EYA4: variants seen among roughly 807,000 people sequenced by gnomAD.
EYA4 encodes EYA transcriptional coactivator and phosphatase 4, also known as protein phosphatase EYA4.
Under a neutral mutation model 87.9 loss-of-function variants are expected in EYA4, and 31 were observed. The observed-to-expected ratio is 0.35, with a 90% CI of 0.27 to 0.48. The LOEUF (loss-of-function observed/expected upper bound fraction) is 0.48. Among genes scored for constraint, EYA4 ranks in the 20% least tolerant of loss-of-function variants. The pLI is 0.99. For synonymous variants in EYA4, 263 were observed against 270.6 expected (o/e 0.97, Z 0.28); for missense variants, 678 against 761.4 (o/e 0.89, Z 1.29).
chr6:133,408,573 A>G (rs926977845), intron 3 of EYA4, among the ~76,000 whole-genome samples: 1 of 152,152 alleles, frequency 6.6e-6, no homozygotes, highest in African/African-American at 2.4e-5. Context: ...TGAAACATGG[A>G]TTTGCCACTT....
intron 13 of EYA4, among the ~76,000 whole-genome samples, chr6:133,491,344 T>TA (rs1797134268): frequency 6.6e-6 from 1 of 151,440 alleles, no homozygotes. Flanking sequence ...ATGAAAAAAA[T>TA]ACAAAAGATC....
intron 6 of EYA4, 104 bp from the exon 7 acceptor site, chr6:133,461,010 A>G: frequency 1.2e-6 from 1 of 814,342 alleles, no homozygotes; most frequent in Admixed American, 1.7e-5. Context: ...AATTTCTGGA[A>G]ACATGTATTT....
At chr6:133,242,613 T>C (rs975916614) in intron 1 of EYA4, among the ~76,000 whole-genome samples, 15 of 152,124 alleles carry the variant, frequency 9.9e-5, no homozygotes, top group African/African-American at 3.6e-4. Context: ...GTGTGTGTGC[T>C]TGTTTTATTC....
chr6:133,506,109 C>A lies in EYA4; in HGVS notation c.1195C>A (p.Pro399Thr). The change falls in exon 14 of 20, where the codon CCC becomes ACC. Residue 399 changes from proline to threonine, a missense_variant. Physicochemically the swap from Pro to Thr is conservative, Grantham distance 38. Transcript: ENST00000355286. Reference protein sequence around the residue: ...GSYAQKYGKDPPMAVTLGLRM... With the variant: ...GSYAQKYGKDTPMAVTLGLRM... ...TATGTGTACATTTTCTTTACAGGATCCCCCCATGGCTGTAACCCTTGGACT... is the reference window on the plus strand; with the variant it reads ...TATGTGTACATTTTCTTTACAGGATACCCCCATGGCTGTAACCCTTGGACT... The A allele has an allele frequency of 1.3e-6, 2 of 1,589,360 alleles. No individual in the cohort carries two copies. The highest frequency in any genetic ancestry group is 1.7e-6 in the Non-Finnish European group (2 of 1,157,582).
At chr6:133,405,678 A>G (rs1228897659) in intron 3 of EYA4, among the ~76,000 whole-genome samples, 1 of 152,208 alleles carries the variant, frequency 6.6e-6, no homozygotes, top group African/African-American at 2.4e-5. Flanking sequence ...TGGGGTTTAC[A>G]TTCCAGTGGA....
At chr6:133,294,342 TG>T (rs146366471) in intron 2 of EYA4, among the ~76,000 whole-genome samples, 27 of 147,164 alleles carry the variant, frequency 1.8e-4, no homozygotes, top group South Asian at 4.3e-4. Context: ...TTGCTCTTTC[TG>T]TTTTTTTTTT....
At chr6:133,265,290 AC>A (rs1448064028) in intron 1 of EYA4, among the ~76,000 whole-genome samples, 6 of 151,652 alleles carry the variant, frequency 4.0e-5, no homozygotes, top group African/African-American at 1.5e-4. Context: ...TTTTGCTGTT[AC>A]TTTCAGTGGC....
chr6:133,317,128 T>C, intron 2 of EYA4, among the ~76,000 whole-genome samples: 1 of 152,202 alleles, frequency 6.6e-6, no homozygotes, highest in East Asian at 1.9e-4. Context: ...CTCAAAACTG[T>C]ACAGCTCCAT....
intron 2 of EYA4, among the ~76,000 whole-genome samples, chr6:133,308,445 A>G (rs1779972697): frequency 6.6e-6 from 1 of 152,166 alleles, no homozygotes; most frequent in South Asian, 2.1e-4. Context: ...TGACATGGGT[A>G]TATTGTTTGA....
intron 11 of EYA4, among the ~76,000 whole-genome samples, chr6:133,478,256 A>T (rs1015084003): frequency 3.3e-5 from 5 of 152,232 alleles, no homozygotes; most frequent in Middle Eastern, 3.4e-3. Context: ...GTGTCTGTTA[A>T]AGATGAACAT....
intron 2 of EYA4, among the ~76,000 whole-genome samples, chr6:133,339,222 G>A (rs985242695): frequency 2.6e-5 from 4 of 152,188 alleles, no homozygotes; most frequent in South Asian, 2.1e-4. Context: ...GTAATAAAGT[G>A]CATCAAGATA....
At chr6:133,241,883 G>T (rs1225665598) in intron 1 of EYA4, 134 bp downstream of exon 1, 1 of 152,262 alleles carries the variant, frequency 6.6e-6, no homozygotes, top group Non-Finnish European at 1.5e-5. Flanking sequence ...AGGACGCGCA[G>T]CTGGACGGTG....
intron 3 of EYA4, among the ~76,000 whole-genome samples, chr6:133,397,650 C>T (rs1241799152): frequency 1.3e-5 from 2 of 152,004 alleles, no homozygotes; most frequent in Non-Finnish European, 2.9e-5. Context: ...ATGATATATC[C>T]CCATGTGTAT....
In EYA4 at chr6:133,490,085, A is replaced by G. The variant is rs117872593; in HGVS notation, c.1191+6970A>G. On this transcript the variant is annotated intron_variant, in intron 13 of 19. Transcript: ENST00000355286. The stretch of plus-strand genomic sequence containing the variant: ...GTTTGTTAGTTTGTTGGTTTATGCA[A>G]TCAGTGTTACATTGCCATCAATTTC... Among the ~76,000 whole-genome samples the G allele has an allele frequency of 5.3e-4, 80 of 152,326 alleles. No individual in the cohort carries two copies. The East Asian group carries it at 0.014, about 26-fold the overall frequency.
chr6:133,304,494 A>G (rs905565799), intron 2 of EYA4, among the ~76,000 whole-genome samples: 1 of 152,194 alleles, frequency 6.6e-6, no homozygotes, highest in Non-Finnish European at 1.5e-5. Flanking sequence ...TGGCTTTAAC[A>G]GAGGTGGGTG....
At chr6:133,513,059 C>A in intron 16 of EYA4, 21 bp downstream of exon 16, 1 of 1,605,558 alleles carries the variant, frequency 6.2e-7, no homozygotes, top group Non-Finnish European at 8.5e-7. Context: ...CTTTTTCAAT[C>A]TAACAAAGGT....
chr6:133,524,578 G>T lies in EYA4; in HGVS notation c.1739-576G>T, dbSNP rs1168957994. ...GCAGGCTAACTCTCACCCACTTGAA[G>T]AAAGGTGTTGTTTATCAAGATAAAT... On this transcript the variant is annotated intron_variant, in intron 18 of 19. Coordinates refer to ENST00000355286, the MANE Select transcript of EYA4 (RefSeq NM_004100.5). Among the ~76,000 whole-genome samples, 14 of 152,294 alleles carry T rather than the reference G, an allele frequency of 9.2e-5. No homozygotes were observed. In the East Asian group the frequency reaches 2.7e-3, roughly 29 times the overall value.
At chr6:133,260,598 T>G (rs1775721606) in intron 1 of EYA4, among the ~76,000 whole-genome samples, 1 of 152,162 alleles carries the variant, frequency 6.6e-6, no homozygotes, top group Non-Finnish European at 1.5e-5. Flanking sequence ...GTGGAGCAAT[T>G]TTGCATTCCC....
chr6:133,383,089 G>A (rs764980567), intron 3 of EYA4, among the ~76,000 whole-genome samples: 16 of 152,244 alleles, frequency 1.1e-4, no homozygotes, highest in East Asian at 7.7e-4. Flanking sequence ...TAAAAGTATC[G>A]TAAATACTAT....
Sources: gnomAD v4.1 joint callset for allele counts (sites outside exome capture counted in the v4.1 genomes callset) on GRCh38, gnomAD v4.1.1 for gene constraint, MANE v1.5 for transcripts, NCBI Gene and HGNC (gene_info 2026-07-23, HGNC 2026-07-21) for gene names.